Variants in TRIM37 observed in about 807,000 individuals in gnomAD.
The protein encoded by TRIM37 is tripartite motif containing 37.
In TRIM37, 80 loss-of-function variants were observed where a neutral mutation model predicts 129.8. That is an observed-to-expected ratio of 0.62 (90% CI 0.51 to 0.74). The LOEUF is 0.74. TRIM37 is among the 30% of genes least tolerant of loss of function. The pLI is 0.00. For missense variants in TRIM37, 1,054 were observed against 1,176.5 expected (o/e 0.90, Z 1.52); for synonymous variants, 389 against 387.1 (o/e 1.00, Z -0.06).
intron 19 of TRIM37, among the ~76,000 whole-genome samples, chr17:59,025,445 G>GT (rs1555649431): frequency 9.9e-5 from 15 of 151,176 alleles, no homozygotes; most frequent in Middle Eastern, 3.5e-3. Flanking sequence ...TAATATTCAT[G>GT]GATGAATATT....
chr17:59,024,460 A>G (rs1423086077), intron 19 of TRIM37, among the ~76,000 whole-genome samples: 1 of 152,232 alleles, frequency 6.6e-6, no homozygotes, highest in Non-Finnish European at 1.5e-5. Flanking sequence ...GATGACCTGA[A>G]TAAATGGAGA....
At chr17:59,068,239 G>C (rs758699585) in intron 9 of TRIM37, among the ~76,000 whole-genome samples, 8 of 152,196 alleles carry the variant, frequency 5.3e-5, no homozygotes, top group Non-Finnish European at 7.4e-5. Flanking sequence ...GCTGAAAGTG[G>C]TATAAGAATG....
chr17:59,069,940 T>C (rs2042229077), intron 9 of TRIM37, among the ~76,000 whole-genome samples: 1 of 152,248 alleles, frequency 6.6e-6, no homozygotes. Context: ...GTGAATTTTC[T>C]GACACCCTGA....
intron 22 of TRIM37, among the ~76,000 whole-genome samples, chr17:59,008,622 G>A (rs1368070338): frequency 2.0e-5 from 3 of 152,256 alleles, no homozygotes; most frequent in Middle Eastern, 3.4e-3. Context: ...TCGGGCGGCC[G>A]GGTGTGGTGG....
chr17:59,067,781 C>T (rs2042033045), intron 9 of TRIM37, among the ~76,000 whole-genome samples: 1 of 144,250 alleles, frequency 6.9e-6, no homozygotes, highest in South Asian at 2.1e-4. Flanking sequence ...GGTGATCCGC[C>T]CGCCTCGGCC....
intron 19 of TRIM37, among the ~76,000 whole-genome samples, chr17:59,023,741 CTAAA>C (rs1422038628): frequency 6.6e-6 from 1 of 151,882 alleles, no homozygotes; most frequent in Non-Finnish European, 1.5e-5. Flanking sequence ...AAAGGAATTC[CTAAA>C]TAAAGTTGAA....
chr17:58,986,579 C>A (rs537676368), intron 24 of TRIM37, among the ~76,000 whole-genome samples: 5 of 142,986 alleles, frequency 3.5e-5, no homozygotes, highest in Non-Finnish European at 7.5e-5. Flanking sequence ...GTGGTGCAAT[C>A]TCGGCTCACT....
At chr17:58,994,818 C>T (rs1378550784), downstream of TRIM37, among the ~76,000 whole-genome samples, 3 of 151,386 alleles carry the variant, frequency 2.0e-5, no homozygotes, top group Admixed American at 6.6e-5. Flanking sequence ...GGCACGATCT[C>T]GGCTCACTGC....
chr17:59,017,665 C>T (rs904846707), intron 19 of TRIM37, among the ~76,000 whole-genome samples: 3 of 151,872 alleles, frequency 2.0e-5, no homozygotes, highest in African/African-American at 7.3e-5. Flanking sequence ...GCTCTTGTTG[C>T]CCAGGCTGGA....
exon 25 of TRIM37, chr17:58,982,816 A>T (rs2031439366): frequency 8.2e-7 from 1 of 1,226,274 alleles, no homozygotes; most frequent in African/African-American, 1.5e-5. Flanking sequence ...CCTTTTCATC[A>T]TTCTGAGGCT....
chr17:59,102,789 T>A (rs1170007183), intron 2 of TRIM37, among the ~76,000 whole-genome samples: 2 of 152,196 alleles, frequency 1.3e-5, no homozygotes, highest in Non-Finnish European at 2.9e-5. Flanking sequence ...GTGAGCTGTG[T>A]GACTAGAAAA....
chr17:58,967,519 TAGAGAGAG>T, the TRIM37 span, among the ~76,000 whole-genome samples: 24 of 145,176 alleles, frequency 1.7e-4, no homozygotes, highest in Middle Eastern at 3.5e-3. Context: ...TATATATATA[TAGAGAGAG>T]AGAGAGAGAG....
intron 24 of TRIM37, among the ~76,000 whole-genome samples, chr17:58,988,386 A>T (rs2032020811): frequency 1.3e-5 from 2 of 152,262 alleles, no homozygotes; most frequent in South Asian, 4.1e-4. Context: ...CTCACAGAAC[A>T]AAAGCACCCT....
chr17:59,038,004 A>AC (rs1253721166), intron 17 of TRIM37, among the ~76,000 whole-genome samples: 1 of 152,178 alleles, frequency 6.6e-6, no homozygotes, highest in Non-Finnish European at 1.5e-5. Flanking sequence ...GGGGGAAGAT[A>AC]CTACAGATAT....
In TRIM37 at chr17:59,055,580, C is replaced by A. The variant is rs374380062; in HGVS notation, c.1199+1295G>T. Among the ~76,000 whole-genome samples the A allele has an allele frequency of 1.7e-4, 25 of 151,374 alleles. 1 individual carries two copies. The East Asian group carries it at 1.8e-3, about 11-fold the overall frequency. The stretch of plus-strand genomic sequence containing the variant: ...AGATGCAGTGGCAGGCACCTGTAGT[C>A]CCAGCTACTTGGGAGGCTGAGGCAG... On this transcript the variant is annotated intron_variant, in intron 13 of 23. Transcript: ENST00000262294.
At chr17:58,997,908 A>G (rs1400823440), downstream of TRIM37, among the ~76,000 whole-genome samples, 1 of 152,126 alleles carries the variant, frequency 6.6e-6, no homozygotes, top group Admixed American at 6.6e-5. Context: ...CGACATCACC[A>G]AGGAACTCAG....
intron 3 of TRIM37, among the ~76,000 whole-genome samples, chr17:59,090,457 AC>A (rs2044190640): frequency 6.6e-6 from 1 of 152,212 alleles, no homozygotes; most frequent in Admixed American, 6.5e-5. Flanking sequence ...TGCACAAAAA[AC>A]AGTCTAGAAG....
intron 23 of TRIM37, among the ~76,000 whole-genome samples, chr17:59,000,472 A>G (rs1348070263): frequency 1.3e-5 from 2 of 152,080 alleles, no homozygotes; most frequent in African/African-American, 2.4e-5. Flanking sequence ...GTGGTGGCAC[A>G]TGCCTGTAGT....
chr17:59,009,872 A>G (rs2035041522), intron 22 of TRIM37, among the ~76,000 whole-genome samples: 1 of 152,230 alleles, frequency 6.6e-6, no homozygotes, highest in South Asian at 2.1e-4. Context: ...TGAGAATAAC[A>G]GAATACTGGT....
Sources: allele counts gnomAD v4.1 joint callset (sites outside exome capture counted in the v4.1 genomes callset), GRCh38; gene constraint gnomAD v4.1.1; transcripts MANE v1.5; gene names NCBI Gene and HGNC (gene_info 2026-07-23, HGNC 2026-07-21).